Variants in LTN1 observed in about 807,000 individuals in gnomAD.
LTN1 encodes listerin E3 ubiquitin protein ligase 1.
A neutral mutation model predicts 201.2 loss-of-function variants in LTN1; 88 were observed. That is an observed-to-expected ratio of 0.44 (90% CI 0.37 to 0.52). The LOEUF (loss-of-function observed/expected upper bound fraction) is 0.52. Among genes scored for constraint, LTN1 ranks in the 20% least tolerant of loss-of-function variants. The pLI is 0.00. For synonymous variants in LTN1, 645 were observed against 713.5 expected (o/e 0.90, Z 1.53); for missense variants, 1,752 against 2,038.7 (o/e 0.86, Z 2.71).
chr21:28,930,861 G>C (rs2084205051), intron 29 of LTN1, among the ~76,000 whole-genome samples: 1 of 152,100 alleles, frequency 6.6e-6, no homozygotes, highest in African/African-American at 2.4e-5. Flanking sequence ...TCTCCTTCAT[G>C]GTCTAGATCT....
At chr21:28,984,211 T>C (rs1036810389) in intron 4 of LTN1, among the ~76,000 whole-genome samples, 2 of 152,132 alleles carry the variant, frequency 1.3e-5, no homozygotes, top group African/African-American at 4.8e-5. Flanking sequence ...TGAAATAGCA[T>C]TTGTTATGAT....
chr21:28,957,087 CAT>C, intron 15 of LTN1, 139 bp from the exon 16 acceptor site: 4 of 678,068 alleles, frequency 5.9e-6, no homozygotes, highest in East Asian at 2.8e-5. Context: ...AAATTATCAA[CAT>C]GTGTATTTCT....
chr21:28,973,919 A>C (rs1003778391), intron 6 of LTN1, among the ~76,000 whole-genome samples: 1 of 152,174 alleles, frequency 6.6e-6, no homozygotes, highest in African/African-American at 2.4e-5. Context: ...CAGAATAAGG[A>C]TGGGATAGTC....
intron 4 of LTN1, 135 bp from the exon 5 acceptor site, chr21:28,982,503 G>A: frequency 1.5e-6 from 1 of 655,000 alleles, no homozygotes; most frequent in Non-Finnish European, 2.7e-6. Context: ...GAATCAAATA[G>A]CAAAACTGAA....
chr21:28,966,565 G>C lies in LTN1; in HGVS notation c.1926C>G (p.Val642=), dbSNP rs760938857. The change falls in exon 10 of 30, where the codon GTC becomes GTG. Residue 642 remains valine (V), a synonymous_variant. Coordinates refer to ENST00000361371, the MANE Select transcript of LTN1 (RefSeq NM_015565.3). ...MLLGDEKQSI[V]QAKPLEIAKL... is the part of the protein sequence containing the mutation. ...TGGCTATTTCAAGAGGTTTGGCTTG[G>C]ACAATACTCTGTTTTTCATCACCAA... The C allele has an allele frequency of 1.2e-6, 2 of 1,614,102 alleles. No homozygotes were observed. The highest frequency in any genetic ancestry group is 2.2e-5 in the South Asian group (2 of 91,080).
chr21:28,977,638 G>C (rs560451763), intron 6 of LTN1, among the ~76,000 whole-genome samples: 10 of 152,208 alleles, frequency 6.6e-5, no homozygotes, highest in Non-Finnish European at 1.3e-4. Flanking sequence ...CAGGAGAACA[G>C]CTTGAACCTG....
intron 25 of LTN1, among the ~76,000 whole-genome samples, chr21:28,938,795 A>G (rs538981063): frequency 1.3e-5 from 2 of 152,356 alleles, no homozygotes; most frequent in East Asian, 3.9e-4. Flanking sequence ...AATCTTGAAA[A>G]TAATATACTA....
Position 28,930,337 on chromosome 21 carries a change from C to G in LTN1, c.*111G>C. ...ACCAAAATAATTTTCCAGAGAAGGT[C>G]CTATTTAAAAGTAATGCTCACTGGC... On this transcript the variant is annotated 3_prime_UTR_variant, in exon 30 of 30. Coordinates refer to ENST00000361371, the MANE Select transcript of LTN1 (RefSeq NM_015565.3). The G allele has an allele frequency of 1.5e-6, 1 of 665,754 alleles. No individual in the cohort carries two copies. Among genetic ancestry groups the G allele is most frequent in the East Asian group, 2.9e-5 (1 of 34,924 alleles). 41.2% of individuals were successfully genotyped at this position (665,754 alleles called of 1,614,324 possible).
intron 8 of LTN1, among the ~76,000 whole-genome samples, chr21:28,969,955 G>A (rs1425328617): frequency 6.6e-6 from 1 of 151,882 alleles, no homozygotes; most frequent in Non-Finnish European, 1.5e-5. Context: ...TAGGATTACA[G>A]CTGTGAGGCA....
chr21:28,992,625 C>A, intron 1 of LTN1, 139 bp downstream of exon 1: 2 of 869,686 alleles, frequency 2.3e-6, no homozygotes, highest in South Asian at 3.2e-5. Context: ...GGGACGCACA[C>A]ACAACAGAGA....
intron 1 of LTN1, among the ~76,000 whole-genome samples, chr21:28,992,289 G>A (rs560628452): frequency 6.6e-6 from 1 of 152,266 alleles, no homozygotes; most frequent in South Asian, 2.1e-4. Context: ...AGATGGAAAG[G>A]GGTAACAGGC....
chr21:28,934,363 C>T (rs2705653), intron 27 of LTN1, among the ~76,000 whole-genome samples: 20,404 of 152,098 alleles, frequency 0.13, 1,717 homozygotes, highest in African/African-American at 0.23. Flanking sequence ...AAATCTCATG[C>T]TGAATTGTAA....
rs760686226 is a variant in LTN1 at position 28,928,350 on chromosome 21, C to A, written c.*2098G>T. On this transcript the variant is annotated 3_prime_UTR_variant, in exon 30 of 30. Transcript: ENST00000361371. ...TGCACCACAAAAATGTATCAAATAA[C>A]AACATATTATTTAAGCCACAGACAC... 7.9e-5 allele frequency: 12 copies of A among 152,348 alleles called. No homozygotes were observed. The highest frequency in any genetic ancestry group is 1.6e-4 in the Non-Finnish European group (11 of 67,974). 9.4% of individuals were successfully genotyped at this position (152,348 alleles called of 1,614,324 possible).
Position 28,969,480 on chromosome 21 carries a change from G to C in LTN1, c.1297C>G (p.Leu433Val), listed in dbSNP as rs776027941. 2.5e-6 allele frequency: 4 copies of C among 1,609,486 alleles called. No homozygotes were observed. The highest frequency in any genetic ancestry group is 3.4e-6 in the Non-Finnish European group (4 of 1,178,868). Residue 433 changes from leucine to valine, a missense_variant, in exon 9 of 30, where the codon CTC (leucine) becomes GTC (valine). Physicochemically the swap from Leu to Val is conservative, Grantham distance 32 (BLOSUM62 1). Transcript: ENST00000361371. ...NLGEEEIEQM[L>V]VNDQLIPFID... ...ATTATAGATACCTGATCATTGACGA[G>C]CATCTGTTCAATCTCTTCCTCACCT...
intron 1 of LTN1, among the ~76,000 whole-genome samples, chr21:28,989,243 G>A (rs549233889): frequency 2.0e-5 from 3 of 152,138 alleles, no homozygotes; most frequent in African/African-American, 7.2e-5. Context: ...ACATCTAAAG[G>A]AGTTGAGGCT....
chr21:28,959,336 C>G, intron 13 of LTN1, 122 bp downstream of exon 13: 1 of 1,214,406 alleles, frequency 8.2e-7, no homozygotes, highest in East Asian at 2.4e-5. Context: ...TAGCCCTTTA[C>G]TCAAAATGCT....
Position 28,936,538 on chromosome 21 carries a change from G to A in LTN1, c.4642C>T (p.Leu1548=). The change falls in exon 26 of 30, where the codon CTG becomes TTG. Residue 1548 remains leucine, a synonymous_variant. Coordinates refer to ENST00000361371, the MANE Select transcript of LTN1 (RefSeq NM_015565.3). ...PKTFFTEELQ[L]SIRETTMLPY... ...ATATCTTACTGACCTCTAATACTCA[G>A]CTGGAGCTCCTCAGTAAAGAATGTT... 1 of 1,612,652 alleles carries A rather than the reference G, an allele frequency of 6.2e-7. No individual in the cohort carries two copies. Among genetic ancestry groups the A allele is most frequent in the Non-Finnish European group, 8.5e-7 (1 of 1,179,202 alleles).
intron 16 of LTN1, among the ~76,000 whole-genome samples, chr21:28,956,501 T>G (rs931782728): frequency 1.3e-5 from 2 of 152,184 alleles, no homozygotes; most frequent in African/African-American, 4.8e-5. Context: ...CTGTTTACAT[T>G]GATGTCATGA....
chr21:28,976,599 C>CAAAA (rs11315471), intron 6 of LTN1, among the ~76,000 whole-genome samples: 1 of 71,574 alleles, frequency 1.4e-5, no homozygotes, highest in Non-Finnish European at 2.9e-5. Context: ...GATTCTGTCT[C>CAAAA]AAAAAAAAAA....
Sources: gnomAD v4.1 joint callset for allele counts (sites outside exome capture counted in the v4.1 genomes callset) on GRCh38, gnomAD v4.1.1 for gene constraint, MANE v1.5 for transcripts, NCBI Gene and HGNC (gene_info 2026-07-23, HGNC 2026-07-21) for gene names.